The following GP6 variants were observed in gnomAD, a reference collection of about 807,000 sequenced individuals.
GP6 encodes the protein glycoprotein VI platelet, also known as platelet glycoprotein VI.
In GP6, 45 loss-of-function variants were observed where a neutral mutation model predicts 37.3. That is an observed-to-expected ratio of 1.21 (90% CI 0.95 to 1.55). GP6 has a LOEUF of 1.55. Ranked by LOEUF, GP6 falls within the 40% of genes most tolerant of loss-of-function variation. GP6 has a pLI of 0.00. For missense variants in GP6, 813 were observed against 760.2 expected (o/e 1.07, Z -0.82); for synonymous variants, 340 against 316.4 (o/e 1.07, Z -0.79).
intron 3 of GP6, among the ~76,000 whole-genome samples, chr19:55,029,747 G>T (rs1488159976): frequency 2.7e-5 from 4 of 150,794 alleles, no homozygotes; most frequent in Non-Finnish European, 5.9e-5. Flanking sequence ...TCACATACCA[G>T]ATAGTGAGGA....
chr19:55,029,346 A>T (rs866930043), intron 3 of GP6, among the ~76,000 whole-genome samples: 8 of 2,664 alleles, frequency 3.0e-3, no homozygotes, highest in East Asian at 0.029. Flanking sequence ...ATATATATAT[A>T]TATATATATA....
At chr19:55,015,196 G>C (rs1344504523) in intron 7 of GP6, 31 bp from the exon 8 acceptor site, 1 of 1,550,998 alleles carries the variant, frequency 6.4e-7, no homozygotes, top group Non-Finnish European at 8.7e-7. Context: ...AGGAGCAGGT[G>C]AAAGAGCCCA....
rs1432733784 is a variant in GP6 at position 55,033,213 on chromosome 19, GAC to G, written c.35-677_35-676del. ...CGGTGGACTCCTTCGTGTTGTGTTA[GAC>G]ACGGTGGACTCGTTCGTGTTAGACA... On this transcript the variant is annotated intron_variant, in intron 1 of 7. Transcript: ENST00000310373. Among the ~76,000 whole-genome samples, 5 of 113,364 alleles carry G rather than the reference GAC, an allele frequency of 4.4e-5. 2 individuals carry two copies. The highest frequency in any genetic ancestry group is 5.6e-4 in the East Asian group (2 of 3,540). The allele number at this position is 113,364 out of a possible 152,430, so 74.4% of individuals were successfully genotyped here. A position where few individuals can be genotyped will look rare whatever the true frequency, so the allele number is the denominator to read the frequency against.
chr19:55,025,291 G>T lies in GP6; in HGVS notation c.611-20C>A. 6.7e-7 allele frequency: 1 copy of T among 1,500,790 alleles called. No homozygotes were observed. Among genetic ancestry groups the T allele is most frequent in the Non-Finnish European group, 9.1e-7 (1 of 1,100,480 alleles). The allele number at this position is 1,500,790 out of a possible 1,614,324, so 93.0% of individuals were successfully genotyped here. A position where few individuals can be genotyped will look rare whatever the true frequency, so the allele number is the denominator to read the frequency against. ...AGGTTCCTGGGAAATCAGAAAATGA[G>T]ATAAATCTGTGCTCTGTCGCTGTGG... On this transcript the variant is annotated intron_variant, in intron 4 of 7. Coordinates refer to ENST00000310373, the MANE Select transcript of GP6 (RefSeq NM_001083899.2).
At chr19:55,034,124 A>G (rs568505228) in intron 1 of GP6, among the ~76,000 whole-genome samples, 14 of 42,478 alleles carry the variant, frequency 3.3e-4, no homozygotes, top group African/African-American at 1.0e-3. Context: ...ACACGTGTAT[A>G]TGTATGTATA....
At chr19:55,026,707 G>A (rs1418980247) in intron 4 of GP6, among the ~76,000 whole-genome samples, 1 of 152,074 alleles carries the variant, frequency 6.6e-6, no homozygotes, top group Non-Finnish European at 1.5e-5. Context: ...CCAACATAGT[G>A]AAACCCCGTC....
chr19:55,015,792 G>T (rs764587013), intron 6 of GP6, 59 bp from the exon 7 acceptor site: 19 of 893,804 alleles, frequency 2.1e-5, no homozygotes, highest in Non-Finnish European at 3.6e-5. Context: ...CCCTGTCACT[G>T]TGCCTACTCC....
At chr19:55,036,562 GATGGTGTACA>G (rs2074837218) in intron 1 of GP6, among the ~76,000 whole-genome samples, 1 of 151,994 alleles carries the variant, frequency 6.6e-6, no homozygotes, top group African/African-American at 2.4e-5. Context: ...AGCCAGGCAT[GATGGTGTACA>G]ACTGTAGTTC....
chr19:55,032,161 G>C lies in GP6; in HGVS notation c.303C>G (p.Asp101Glu), dbSNP rs781531121. ...TACCCGTGGCAACGAGCTCCAGCTG[G>C]TCGCTGGGCAGGGACCAGAGGCTTC... Residue 101 changes from aspartate (D) to glutamate (E), a missense_variant, in exon 3 of 8, where the codon GAC becomes GAG. By Grantham distance (45) the Asp-to-Glu change is conservative. Transcript: ENST00000310373. 3 of 1,613,868 alleles carry C rather than the reference G, an allele frequency of 1.9e-6. No homozygotes were observed. Among genetic ancestry groups the C allele is most frequent in the Non-Finnish European group, 1.7e-6 (2 of 1,179,928 alleles).
intron 3 of GP6, among the ~76,000 whole-genome samples, chr19:55,030,550 C>T (rs888918581): frequency 2.6e-5 from 4 of 151,972 alleles, no homozygotes; most frequent in Non-Finnish European, 4.4e-5. Flanking sequence ...ACCATGTTGG[C>T]CAGGCTGGTC....
chr19:55,037,576 G>GC (rs2074880265), intron 1 of GP6, among the ~76,000 whole-genome samples: 1 of 142,934 alleles, frequency 7.0e-6, no homozygotes, highest in Non-Finnish European at 1.5e-5. Flanking sequence ...ACCTCAGATG[G>GC]CCCACCCGCC....
chr19:55,035,079 G>T (rs529569240), intron 1 of GP6, among the ~76,000 whole-genome samples: 1 of 152,270 alleles, frequency 6.6e-6, no homozygotes, highest in African/African-American at 2.4e-5. Context: ...TCTGTGCATG[G>T]ACTCCAAGTC....
At chr19:55,026,619 G>A (rs1391116427) in intron 4 of GP6, among the ~76,000 whole-genome samples, 4 of 151,380 alleles carry the variant, frequency 2.6e-5, no homozygotes, top group Admixed American at 1.3e-4. Context: ...AGTCCGACGC[G>A]GTGGCTCACG....
chr19:55,031,191 G>A (rs1242075371), intron 3 of GP6, among the ~76,000 whole-genome samples: 2 of 152,202 alleles, frequency 1.3e-5, no homozygotes, highest in African/African-American at 4.8e-5. Flanking sequence ...ATGTTAACAT[G>A]AGGGGATCCT....
chr19:55,020,342 C>G (rs920791949), intron 5 of GP6, among the ~76,000 whole-genome samples: 1 of 152,022 alleles, frequency 6.6e-6, no homozygotes, highest in Non-Finnish European at 1.5e-5. Flanking sequence ...GCCCCACACG[C>G]ATCAGCTATT....
chr19:55,023,723 G>A (rs1435402207), intron 5 of GP6, among the ~76,000 whole-genome samples: 2 of 152,058 alleles, frequency 1.3e-5, no homozygotes, highest in East Asian at 3.9e-4. Context: ...GCACAAAATC[G>A]GCCTAATATA....
intron 6 of GP6, among the ~76,000 whole-genome samples, chr19:55,016,617 G>T (rs552741069): frequency 1.1e-4 from 16 of 151,782 alleles, no homozygotes; most frequent in South Asian, 1.0e-3. Flanking sequence ...CTTGTGATCC[G>T]CCCGCCTAGG....
intron 5 of GP6, among the ~76,000 whole-genome samples, chr19:55,024,341 C>G (rs1188227336): frequency 5.7e-5 from 1 of 17,426 alleles, no homozygotes; most frequent in Non-Finnish European, 2.4e-4. Flanking sequence ...CACGCACACA[C>G]GCACATGCAC....
rs2074358382 is a variant in GP6, at chr19:55,027,654, G to A, written c.534C>T (p.Tyr178=). The change falls in exon 4 of 8, where the codon TAC becomes TAT. Residue 178 remains tyrosine (Y), a synonymous_variant. Coordinates refer to ENST00000310373, the MANE Select transcript of GP6 (RefSeq NM_001083899.2). ...CCCTGCTGGAGAAGCTGTAGCATCG[G>A]TAGGTTCCGCTGTGGGCGGCGGTCA... The A allele has an allele frequency of 5.0e-6, 8 of 1,612,766 alleles. No homozygotes were observed. The highest frequency in any genetic ancestry group is 1.3e-5 in the African/African-American group (1 of 75,028).
Sources: allele counts gnomAD v4.1 joint callset (sites outside exome capture counted in the v4.1 genomes callset), GRCh38; gene constraint gnomAD v4.1.1; transcripts MANE v1.5; gene names NCBI Gene and HGNC (gene_info 2026-07-23, HGNC 2026-07-21).